The following CPT1A variants were observed in gnomAD, a reference collection of about 807,000 sequenced individuals.
The protein encoded by CPT1A is carnitine palmitoyltransferase 1A.
In CPT1A, 64 loss-of-function variants were observed where a neutral mutation model predicts 100.8. The observed-to-expected ratio is 0.63, with a 90% CI of 0.52 to 0.78. The LOEUF is 0.78. Among genes scored for constraint, CPT1A ranks in the 30% least tolerant of loss-of-function variants. The pLI is 0.00. For synonymous variants in CPT1A, 363 were observed against 396.0 expected, an observed-to-expected ratio of 0.92 and a Z score of 0.99; for missense variants, 802 against 1,034.1, an observed-to-expected ratio of 0.78 and a Z score of 3.08.
intron 5 of CPT1A, among the ~76,000 whole-genome samples, chr11:68,800,357 G>T (rs3794021): frequency 6.6e-6 from 1 of 152,006 alleles, no homozygotes; most frequent in Non-Finnish European, 1.5e-5. Context: ...GAAAGTAACA[G>T]TGGTCAGGTG....
chr11:68,843,466 G>A (rs1857197233), upstream of CPT1A, among the ~76,000 whole-genome samples: 2 of 152,056 alleles, frequency 1.3e-5, no homozygotes, highest in African/African-American at 4.8e-5. The surrounding 1 kb of genome is among the most constrained non-coding windows in gnomAD (Gnocchi z 4.0). Flanking sequence ...TGGAGGGGAA[G>A]CAACCAGGCA....
chr11:68,781,788 G>T lies in CPT1A; in HGVS notation c.1335C>A (p.His445Gln). 1 of 1,614,162 alleles carries T rather than the reference G, an allele frequency of 6.2e-7. No individual in the cohort carries two copies. The highest frequency in any genetic ancestry group is 1.1e-5 in the South Asian group (1 of 91,086). Residue 445 changes from histidine to glutamine, a missense_variant, in exon 11 of 19, where the codon CAC becomes CAA. His to Gln is a conservative substitution (Grantham distance 24, BLOSUM62 0). This residue lies in a region of CPT1A where 627 missense variants were observed against 799.3 expected (regional missense o/e 0.78). Coordinates refer to ENST00000265641, the MANE Select transcript of CPT1A (RefSeq NM_001876.4). ...SMDSYAKSLL[H>Q]GRCYDRWFDK... The stretch of plus-strand genomic sequence containing the variant: ...GACGGTACCTGTCGTAACATCGGCC[G>T]TGTAGTAGAGATTTGGCGTAGCTGT...
chr11:68,765,503 GAAGCAGGATT>G (rs1566343316), intron 14 of CPT1A, among the ~76,000 whole-genome samples: 1 of 152,184 alleles, frequency 6.6e-6, no homozygotes, highest in Non-Finnish European at 1.5e-5. Context: ...CAGTTTCTAA[GAAGCAGGATT>G]CAAAGACAGT....
chr11:68,768,155 A>T (rs1309603479), intron 14 of CPT1A, among the ~76,000 whole-genome samples: 1 of 126,202 alleles, frequency 7.9e-6, no homozygotes, highest in Non-Finnish European at 1.6e-5. Context: ...GGCTCACTGG[A>T]AGCTCCGCCT....
At chr11:68,843,665 G>T (rs781161840), upstream of CPT1A, among the ~76,000 whole-genome samples, 1 of 152,214 alleles carries the variant, frequency 6.6e-6, no homozygotes, top group African/African-American at 2.4e-5. The surrounding 1 kb of genome is among the most constrained non-coding windows in gnomAD (Gnocchi z 4.0). Context: ...TTTCTTTGAG[G>T]TTAGAAGTTG....
chr11:68,819,872 T>C (rs1194333218), intron 1 of CPT1A, among the ~76,000 whole-genome samples: 1 of 152,186 alleles, frequency 6.6e-6, no homozygotes, highest in African/African-American at 2.4e-5. Context: ...AATGAGTGAA[T>C]CCAACAAGGG....
At chr11:68,840,624 A>AT (rs1857135268) in intron 1 of CPT1A, among the ~76,000 whole-genome samples, 1 of 152,182 alleles carries the variant, frequency 6.6e-6, no homozygotes, top group Non-Finnish European at 1.5e-5. Context: ...GGTAGTTGGG[A>AT]TTTTTAACTC....
At position 68,761,810 on chromosome 11, in the gene CPT1A, C is replaced by A. The variant is rs1854627995; in HGVS notation, c.1876-123G>T. The A allele has an allele frequency of 5.1e-6, 6 of 1,181,528 alleles. No homozygotes were observed. The East Asian group carries it at 1.4e-4, about 28-fold the overall frequency. 73.2% of individuals were successfully genotyped at this position (1,181,528 alleles called of 1,614,324 possible). On this transcript the variant is annotated intron_variant, in intron 15 of 18. Transcript: ENST00000265641. Reference sequence around the variant, plus strand: ...ATTTTTAGTAGAGACGGGGTTTCAACATGTTGCCCAGGGTGGTTTCGAACT... The same window carrying A: ...ATTTTTAGTAGAGACGGGGTTTCAAAATGTTGCCCAGGGTGGTTTCGAACT...
rs149454771 is a variant in CPT1A at position 68,760,252 on chromosome 11, G to A, written c.2115C>T (p.Tyr705=). 1.1e-5 allele frequency: 17 copies of A among 1,611,630 alleles called. No homozygotes were observed. The highest frequency in any genetic ancestry group is 1.9e-4 in the Middle Eastern group (1 of 5,298). Residue 705 remains tyrosine, a synonymous_variant, in exon 17 of 19, where the codon TAC becomes TAT. Coordinates refer to ENST00000265641, the MANE Select transcript of CPT1A (RefSeq NM_001876.4). ...ELFDLENNPE[Y]VSSGGGFGPV... ...GTCCAAAGCCCCCTCCGCTGGACAC[G>A]TACTCTGGGTTATTCTCCAAGTCAA...
intron 4 of CPT1A, among the ~76,000 whole-genome samples, 160 bp from the exon 5 acceptor site, chr11:68,804,261 C>T (rs55783356): frequency 6.6e-6 from 1 of 152,216 alleles, no homozygotes; most frequent in Non-Finnish European, 1.5e-5. Flanking sequence ...TCCGAAGCCA[C>T]TTTTCCCGTG....
At chr11:68,773,796 T>A (rs1307833738) in intron 13 of CPT1A, 2 of 316,380 alleles carry the variant, frequency 6.3e-6, no homozygotes, top group Admixed American at 4.4e-5. Flanking sequence ...TAGATAGAAA[T>A]GGAGCTGGTG....
intron 3 of CPT1A, among the ~76,000 whole-genome samples, chr11:68,810,110 G>A (rs538316650): frequency 2.0e-5 from 3 of 152,304 alleles, no homozygotes; most frequent in South Asian, 2.1e-4. Flanking sequence ...CCTGGGAAGC[G>A]GAGCTTGCAG....
intron 11 of CPT1A, among the ~76,000 whole-genome samples, chr11:68,781,444 A>G (rs1200107068): frequency 2.6e-5 from 4 of 152,054 alleles, no homozygotes; most frequent in African/African-American, 9.7e-5. Flanking sequence ...ACATGGTGAA[A>G]TCCTGTCTCT....
At chr11:68,824,183 G>A (rs967179432) in intron 1 of CPT1A, among the ~76,000 whole-genome samples, 14 of 150,812 alleles carry the variant, frequency 9.3e-5, no homozygotes, top group Non-Finnish European at 2.1e-4. Flanking sequence ...GGGAGGCGGA[G>A]GTTGCAGTGA....
chr11:68,821,688 TA>T (rs1594369443), intron 1 of CPT1A, among the ~76,000 whole-genome samples: 1 of 152,248 alleles, frequency 6.6e-6, no homozygotes, highest in East Asian at 1.9e-4. Context: ...TATTTTGTAT[TA>T]TTTTTTGTTA....
At chr11:68,830,830 A>T (rs1393093099) in intron 1 of CPT1A, among the ~76,000 whole-genome samples, 4 of 152,210 alleles carry the variant, frequency 2.6e-5, no homozygotes, top group African/African-American at 9.6e-5. Flanking sequence ...ATTCTACAAG[A>T]GACATTTAGC....
At chr11:68,762,062 C>T (rs947814502) in intron 15 of CPT1A, among the ~76,000 whole-genome samples, 5 of 152,234 alleles carry the variant, frequency 3.3e-5, no homozygotes, top group African/African-American at 9.6e-5. Context: ...CTGGGTCTGA[C>T]CTCGGCCATT....
At chr11:68,776,042 C>T (rs1855130680) in intron 12 of CPT1A, among the ~76,000 whole-genome samples, 1 of 152,162 alleles carries the variant, frequency 6.6e-6, no homozygotes, top group Admixed American at 6.5e-5. Context: ...TTATCCAGCC[C>T]TAGAAAGGAA....
chr11:68,773,843 G>T (rs1284099270), intron 13 of CPT1A: 3 of 305,556 alleles, frequency 9.8e-6, no homozygotes, highest in South Asian at 3.0e-5. Context: ...AGCGTTGGGC[G>T]AGTGGGCTGA....
Sources: gnomAD v4.1 joint callset for allele counts (sites outside exome capture counted in the v4.1 genomes callset) on GRCh38, gnomAD v4.1.1 for gene constraint, gnomAD v4.1.1 regional missense constraint, Gnocchi (gnomAD v3.1) non-coding constraint, MANE v1.5 for transcripts, NCBI Gene and HGNC (gene_info 2026-07-23, HGNC 2026-07-21) for gene names.